BLOC1S5: variants seen among roughly 807,000 people sequenced by gnomAD.
BLOC1S5 encodes the protein biogenesis of lysosomal organelles complex 1 subunit 5.
In BLOC1S5, 27 loss-of-function variants were observed where a neutral mutation model predicts 24.3. The ratio of observed to expected loss-of-function variants is 1.11; its 90% CI spans 0.82 to 1.53. The LOEUF is 1.53. Ranked by LOEUF, BLOC1S5 falls within the 40% of genes most tolerant of loss-of-function variation. The probability of loss-of-function intolerance (pLI) is 0.00; values close to 1 mark genes in which losing one functional copy is unlikely to be tolerated. For synonymous variants in BLOC1S5, 84 were observed against 74.5 expected (o/e 1.13, Z -0.66); for missense variants, 239 against 229.4 (o/e 1.04, Z -0.27).
intron 4 of BLOC1S5, among the ~76,000 whole-genome samples, chr6:8,023,317 G>A (rs1039177521): frequency 2.0e-5 from 3 of 152,166 alleles, no homozygotes; most frequent in African/African-American, 7.2e-5. Context: ...TGATTTGTAT[G>A]AATGACGTTT....
intron 2 of BLOC1S5, among the ~76,000 whole-genome samples, chr6:8,043,250 G>A (rs557452490): frequency 2.0e-5 from 3 of 152,186 alleles, no homozygotes; most frequent in African/African-American, 7.2e-5. Flanking sequence ...AATAGAACAG[G>A]GAAAGGGAAA....
rs574983836 is a variant in BLOC1S5 at position 8,049,603 on chromosome 6, T to G, written c.196-8335A>C. On this transcript the variant is annotated intron_variant, in intron 2 of 4. Coordinates refer to ENST00000397457, the MANE Select transcript of BLOC1S5 (RefSeq NM_201280.3). ...CTACTCCTATCCTTTGCACCCTATCTCCTCCATAGCTTTCCCTTTAGGTAA... is the reference window on the plus strand; with the variant it reads ...CTACTCCTATCCTTTGCACCCTATCGCCTCCATAGCTTTCCCTTTAGGTAA... Among the ~76,000 whole-genome samples the G allele has an allele frequency of 6.6e-5, 10 of 152,258 alleles. No individual in the cohort carries two copies. The South Asian group carries it at 1.9e-3, about 28-fold the overall frequency.
At chr6:8,061,855 A>C (rs1485943714) in intron 2 of BLOC1S5, among the ~76,000 whole-genome samples, 1 of 152,258 alleles carries the variant, frequency 6.6e-6, no homozygotes, top group Non-Finnish European at 1.5e-5. Flanking sequence ...CTGTCGCTGG[A>C]ACATAGTATG....
chr6:8,019,361 C>T (rs750113898), intron 4 of BLOC1S5, among the ~76,000 whole-genome samples: 7 of 151,808 alleles, frequency 4.6e-5, no homozygotes, highest in East Asian at 1.9e-4. Context: ...CTCTGCCTCC[C>T]GGGTTCAAGC....
chr6:8,060,564 C>A (rs989492717), intron 2 of BLOC1S5, among the ~76,000 whole-genome samples: 1 of 151,920 alleles, frequency 6.6e-6, no homozygotes, highest in African/African-American at 2.4e-5. Flanking sequence ...TGCAGGTGGC[C>A]GGGTGAGGGC....
chr6:8,044,526 T>C (rs2815144), intron 2 of BLOC1S5, among the ~76,000 whole-genome samples: 39,182 of 151,888 alleles, frequency 0.26, 6,687 homozygotes, highest in East Asian at 0.73. Context: ...CAGGCAAAGG[T>C]TGGAACAGTT....
intron 2 of BLOC1S5, among the ~76,000 whole-genome samples, chr6:8,042,218 C>G (rs74643085): frequency 6.6e-6 from 1 of 152,132 alleles, no homozygotes; most frequent in Non-Finnish European, 1.5e-5. Flanking sequence ...TTAAACACTC[C>G]GATCTGATCT....
intron 3 of BLOC1S5, among the ~76,000 whole-genome samples, chr6:8,033,481 G>A (rs1169867753): frequency 6.6e-6 from 1 of 152,164 alleles, no homozygotes; most frequent in Non-Finnish European, 1.5e-5. Context: ...ATTAATTCAA[G>A]ATGGATTAAA....
chr6:8,058,333 A>C (rs1764386340), intron 2 of BLOC1S5, among the ~76,000 whole-genome samples: 1 of 142,512 alleles, frequency 7.0e-6, no homozygotes, highest in Non-Finnish European at 1.5e-5. Flanking sequence ...CAGCATGGGC[A>C]ACACAGTGAG....
chr6:8,050,041 A>G (rs775331299), intron 2 of BLOC1S5, among the ~76,000 whole-genome samples: 6 of 152,154 alleles, frequency 3.9e-5, no homozygotes, highest in Non-Finnish European at 8.8e-5. Flanking sequence ...GTACGCAAGC[A>G]TACCTCACTT....
At chr6:8,025,248 C>T (rs958629760) in intron 4 of BLOC1S5, among the ~76,000 whole-genome samples, 3 of 152,170 alleles carry the variant, frequency 2.0e-5, no homozygotes, top group Non-Finnish European at 4.4e-5. Flanking sequence ...TTAACAAAAT[C>T]GATCATCCCC....
At chr6:8,046,803 C>T (rs576247844) in intron 2 of BLOC1S5, among the ~76,000 whole-genome samples, 30 of 151,894 alleles carry the variant, frequency 2.0e-4, no homozygotes, top group Admixed American at 1.5e-3. Context: ...CTTGTTCTGT[C>T]GCTGAGATCA....
chr6:8,017,396 A>ACACG (rs1762780958), intron 4 of BLOC1S5, among the ~76,000 whole-genome samples: 1 of 150,810 alleles, frequency 6.6e-6, no homozygotes, highest in Non-Finnish European at 1.5e-5. Context: ...ACACACACAC[A>ACACG]CACACACACA....
intron 2 of BLOC1S5, among the ~76,000 whole-genome samples, chr6:8,048,082 A>G (rs1224408866): frequency 1.3e-5 from 2 of 152,242 alleles, no homozygotes; most frequent in Non-Finnish European, 2.9e-5. Context: ...GAGATATTTG[A>G]AGTTTTTCAA....
At chr6:8,021,269 G>A (rs976840825) in intron 4 of BLOC1S5, among the ~76,000 whole-genome samples, 2 of 152,164 alleles carry the variant, frequency 1.3e-5, no homozygotes, top group Non-Finnish European at 2.9e-5. Flanking sequence ...AGGAGTTACC[G>A]TTTACTGGGT....
chr6:8,022,794 C>T (rs961505658), intron 4 of BLOC1S5, among the ~76,000 whole-genome samples: 4 of 141,144 alleles, frequency 2.8e-5, no homozygotes, highest in Middle Eastern at 3.2e-3. Flanking sequence ...CCGTTTTAGC[C>T]GGGATGGTCT....
At chr6:8,017,443 T>C (rs1271661913) in intron 4 of BLOC1S5, among the ~76,000 whole-genome samples, 1 of 152,114 alleles carries the variant, frequency 6.6e-6, no homozygotes, top group Non-Finnish European at 1.5e-5. Context: ...AATTTTGGCA[T>C]GTTAATTCCA....
At chr6:8,038,652 T>G (rs895282618) in intron 3 of BLOC1S5, among the ~76,000 whole-genome samples, 5 of 152,162 alleles carry the variant, frequency 3.3e-5, no homozygotes, top group African/African-American at 1.2e-4. Context: ...GCCTGGCTAC[T>G]TCTTTGTATT....
chr6:8,035,910 C>A (rs1763471074), intron 3 of BLOC1S5, among the ~76,000 whole-genome samples: 1 of 152,172 alleles, frequency 6.6e-6, no homozygotes, highest in South Asian at 2.1e-4. Flanking sequence ...GAACCTTCAT[C>A]CAACTGCAGC....
Sources: allele counts gnomAD v4.1 joint callset (sites outside exome capture counted in the v4.1 genomes callset), GRCh38; gene constraint gnomAD v4.1.1; transcripts MANE v1.5; gene names NCBI Gene and HGNC (gene_info 2026-07-23, HGNC 2026-07-21).